MALRD1: variants seen among roughly 807,000 people sequenced by gnomAD.
MALRD1 encodes the protein MAM and LDL-receptor class A domain-containing protein 1.
Under a neutral mutation model 242.1 loss-of-function variants are expected in MALRD1, and 247 were observed. The ratio of observed to expected loss-of-function variants is 1.02; its 90% CI spans 0.92 to 1.13. MALRD1 has a LOEUF of 1.13. Among genes scored for constraint, MALRD1 ranks in the 50% most tolerant of loss-of-function variants. MALRD1 has a pLI of 0.00. For missense variants in MALRD1, 2,989 were observed against 2,533.1 expected (o/e 1.18, Z -3.86); for synonymous variants, 995 against 866.6 (o/e 1.15, Z -2.60).
At chr10:19,688,703 G>T (rs955031354) in intron 36 of MALRD1, among the ~76,000 whole-genome samples, 2 of 152,146 alleles carry the variant, frequency 1.3e-5, no homozygotes, top group Non-Finnish European at 2.9e-5. Context: ...TTCTTTCACT[G>T]CTGTTGCTCA....
chr10:19,185,492 G>A (rs1331455643), intron 14 of MALRD1, among the ~76,000 whole-genome samples: 1 of 151,874 alleles, frequency 6.6e-6, no homozygotes, highest in Non-Finnish European at 1.5e-5. Context: ...AATAGTACAA[G>A]GAAAAGGAGT....
intron 19 of MALRD1, among the ~76,000 whole-genome samples, chr10:19,259,497 G>T (rs1015129687): frequency 3.9e-5 from 6 of 152,182 alleles, no homozygotes; most frequent in African/African-American, 1.4e-4. Flanking sequence ...GGCAAAGAGA[G>T]TGTGTACAGG....
chr10:19,504,558 T>A (rs184579242), intron 31 of MALRD1, among the ~76,000 whole-genome samples: 13 of 151,672 alleles, frequency 8.6e-5, no homozygotes, highest in Non-Finnish European at 1.5e-4. Context: ...ATCTTACTCA[T>A]ATGCACTCAA....
intron 1 of MALRD1, among the ~76,000 whole-genome samples, chr10:19,062,147 G>A (rs137904482): frequency 6.6e-6 from 1 of 152,060 alleles, no homozygotes; most frequent in Non-Finnish European, 1.5e-5. Context: ...ATACATAAAT[G>A]TCCAATAAGC....
At chr10:19,408,238 G>C (rs142128874) in intron 28 of MALRD1, among the ~76,000 whole-genome samples, 10 of 152,254 alleles carry the variant, frequency 6.6e-5, no homozygotes, top group African/African-American at 2.4e-4. Context: ...AGGAATTAGG[G>C]AAGGGTAAGG....
At chr10:19,344,264 T>G (rs2130968589) in intron 24 of MALRD1, among the ~76,000 whole-genome samples, 1 of 152,232 alleles carries the variant, frequency 6.6e-6, no homozygotes, top group Admixed American at 6.5e-5. Flanking sequence ...TCCTTTGTGT[T>G]CTTTAAAAAG....
chr10:19,510,490 G>A (rs983613231), intron 31 of MALRD1, among the ~76,000 whole-genome samples: 1 of 152,194 alleles, frequency 6.6e-6, no homozygotes, highest in African/African-American at 2.4e-5. Context: ...ATGTCCCTGG[G>A]TACTTGAGAG....
intron 31 of MALRD1, among the ~76,000 whole-genome samples, chr10:19,503,406 A>T (rs754550968): frequency 1.3e-5 from 2 of 152,216 alleles, no homozygotes; most frequent in Non-Finnish European, 2.9e-5. Context: ...AATTAGATAC[A>T]TAAGAGGGCC....
intron 33 of MALRD1, among the ~76,000 whole-genome samples, chr10:19,590,285 AT>A (rs1206310399): frequency 2.0e-5 from 3 of 148,168 alleles, no homozygotes; most frequent in African/African-American, 7.4e-5. Context: ...CATATTTTAT[AT>A]ACATGTATAT....
intron 36 of MALRD1, among the ~76,000 whole-genome samples, chr10:19,631,689 T>A (rs1000114255): frequency 1.1e-4 from 17 of 152,224 alleles, no homozygotes; most frequent in African/African-American, 4.1e-4. Flanking sequence ...GCCATTCTGA[T>A]TGGTGTGAGA....
intron 10 of MALRD1, among the ~76,000 whole-genome samples, chr10:19,140,512 G>C (rs1833498530): frequency 6.7e-6 from 1 of 149,854 alleles, no homozygotes; most frequent in African/African-American, 2.5e-5. Context: ...TCTGAGAATG[G>C]ATCAAACAAG....
chr10:19,337,670 C>A (rs1007686950), intron 24 of MALRD1, among the ~76,000 whole-genome samples: 1 of 152,072 alleles, frequency 6.6e-6, no homozygotes, highest in African/African-American at 2.4e-5. Context: ...ATGCAATTTA[C>A]AAATATTTAT....
chr10:19,250,277 C>G (rs1839241215), intron 18 of MALRD1, among the ~76,000 whole-genome samples: 2 of 151,930 alleles, frequency 1.3e-5, no homozygotes, highest in South Asian at 2.1e-4. Context: ...ATCAATAGCT[C>G]TGAACCTTCT....
chr10:19,180,316 T>C (rs189354318), intron 14 of MALRD1, among the ~76,000 whole-genome samples: 2 of 152,352 alleles, frequency 1.3e-5, no homozygotes, highest in Admixed American at 1.3e-4. Flanking sequence ...CAAAAAACTT[T>C]ATGAGCATCT....
At chr10:19,489,229 T>A (rs10827496) in intron 29 of MALRD1, 2 of 475,562 alleles carry the variant, frequency 4.2e-6, no homozygotes, top group Admixed American at 4.7e-5. Flanking sequence ...CAGCGAAGGA[T>A]ACATCTTAAG....
chr10:19,252,333 C>T (rs1839328963), intron 18 of MALRD1, among the ~76,000 whole-genome samples: 1 of 152,020 alleles, frequency 6.6e-6, no homozygotes, highest in East Asian at 1.9e-4. Context: ...ATTTAGTCTT[C>T]TCTATCGTAA....
chr10:19,178,856 G>A (rs750374719), intron 14 of MALRD1, among the ~76,000 whole-genome samples: 4 of 151,976 alleles, frequency 2.6e-5, no homozygotes, highest in African/African-American at 7.3e-5. Context: ...TGACTCCTTC[G>A]GCAAATATTT....
At chr10:19,608,737 A>G (rs1232208981) in intron 35 of MALRD1, among the ~76,000 whole-genome samples, 2 of 152,116 alleles carry the variant, frequency 1.3e-5, no homozygotes, top group East Asian at 1.9e-4. Flanking sequence ...TTGTAATCAA[A>G]TCACATTGTG....
intron 24 of MALRD1, among the ~76,000 whole-genome samples, chr10:19,332,987 T>C (rs1843450338): frequency 6.6e-6 from 1 of 152,072 alleles, no homozygotes; most frequent in African/African-American, 2.4e-5. Context: ...ACATTAGGTG[T>C]TTCTCCTAAT....
Sources: gnomAD v4.1 joint callset for allele counts (sites outside exome capture counted in the v4.1 genomes callset) on GRCh38, gnomAD v4.1.1 for gene constraint, MANE v1.5 for transcripts, NCBI Gene and HGNC (gene_info 2026-07-23, HGNC 2026-07-21) for gene names.